Variants in TRMT11 observed in about 807,000 individuals in gnomAD.
The protein encoded by TRMT11 is tRNA (guanine(10)-N(2))-methyltransferase TRMT11.
A neutral mutation model predicts 62.8 loss-of-function variants in TRMT11; 53 were observed. The ratio of observed to expected loss-of-function variants is 0.84; its 90% CI spans 0.68 to 1.06. The LOEUF (loss-of-function observed/expected upper bound fraction) is 1.06. TRMT11 is among the 50% of genes least tolerant of loss of function. TRMT11 has a pLI of 0.00. For synonymous variants in TRMT11, 188 were observed against 190.3 expected, an observed-to-expected ratio of 0.99 and a Z score of 0.10; for missense variants, 556 against 553.4, an observed-to-expected ratio of 1.00 and a Z score of -0.05.
intron 21 of TRMT11, among the ~76,000 whole-genome samples, chr6:126,121,520 G>A (rs1019528780): frequency 2.0e-5 from 3 of 152,088 alleles, no homozygotes; most frequent in Non-Finnish European, 4.4e-5. Context: ...TGGGTTTGAA[G>A]CTAATCTTGA....
intron 17 of TRMT11, among the ~76,000 whole-genome samples, chr6:126,065,705 T>C (rs1435126321): frequency 6.6e-6 from 1 of 152,224 alleles, no homozygotes; most frequent in East Asian, 1.9e-4. Context: ...CAGTGCCTGA[T>C]ACATAGCAAG....
chr6:126,176,522 T>G (rs887640579), upstream of TRMT11, among the ~76,000 whole-genome samples: 1 of 152,176 alleles, frequency 6.6e-6, no homozygotes, highest in East Asian at 1.9e-4. Flanking sequence ...TAGTGTGCAA[T>G]TTTAAGAACT....
At chr6:126,141,220 A>C (rs1053918453) in intron 21 of TRMT11, among the ~76,000 whole-genome samples, 1 of 152,120 alleles carries the variant, frequency 6.6e-6, no homozygotes, top group Non-Finnish European at 1.5e-5. Flanking sequence ...AGCAGGATAA[A>C]GCATAAATGG....
At chr6:126,026,472 G>A (rs184284424) in intron 12 of TRMT11, among the ~76,000 whole-genome samples, 18 of 151,846 alleles carry the variant, frequency 1.2e-4, no homozygotes, top group Admixed American at 3.9e-4. Context: ...TGCAACCTCC[G>A]CCTTCTGGGT....
At chr6:126,247,445 C>A in the TRMT11 span, among the ~76,000 whole-genome samples, 2 of 77,986 alleles carry the variant, frequency 2.6e-5, no homozygotes, top group African/African-American at 8.4e-5. Context: ...CAGAACATAT[C>A]TATCTATCTA....
chr6:126,138,458 A>C (rs1777877571), intron 21 of TRMT11, among the ~76,000 whole-genome samples: 1 of 152,006 alleles, frequency 6.6e-6, no homozygotes, highest in Admixed American at 6.6e-5. Flanking sequence ...TTTGAGAATG[A>C]ATATGAATTC....
At chr6:126,113,240 A>C (rs534592680) in intron 18 of TRMT11, among the ~76,000 whole-genome samples, 1 of 152,190 alleles carries the variant, frequency 6.6e-6, no homozygotes, top group East Asian at 1.9e-4. Context: ...ATGTCTCTGC[A>C]TGTCCAGGCA....
intron 1 of TRMT11, among the ~76,000 whole-genome samples, chr6:126,191,301 C>CT (rs1228121586): frequency 6.6e-6 from 1 of 151,424 alleles, no homozygotes; most frequent in Non-Finnish European, 1.5e-5. Flanking sequence ...AGTTTTTTTT[C>CT]TTTTTAGCTA....
At chr6:126,094,466 T>C (rs1777318037) in intron 17 of TRMT11, among the ~76,000 whole-genome samples, 1 of 152,224 alleles carries the variant, frequency 6.6e-6, no homozygotes, top group South Asian at 2.1e-4. Flanking sequence ...TTTGCGGCCC[T>C]GGTCACCTGA....
intron 21 of TRMT11, among the ~76,000 whole-genome samples, chr6:126,130,358 TC>T (rs1777767128): frequency 6.6e-6 from 1 of 152,046 alleles, no homozygotes; most frequent in Non-Finnish European, 1.5e-5. Context: ...GGATACAAAA[TC>T]CTTTTATATA....
At chr6:126,018,070 A>G (rs1795243079) in intron 11 of TRMT11, among the ~76,000 whole-genome samples, 1 of 152,228 alleles carries the variant, frequency 6.6e-6, no homozygotes, top group South Asian at 2.1e-4. Flanking sequence ...AGTGTTAGTG[A>G]TAACATGATG....
intron 1 of TRMT11, among the ~76,000 whole-genome samples, chr6:126,179,344 T>A (rs1778428590): frequency 6.6e-6 from 1 of 152,196 alleles, no homozygotes; most frequent in Non-Finnish European, 1.5e-5. Context: ...TCTTTAAAAA[T>A]TTCTGTATTG....
At chr6:126,216,954 CAG>C in the TRMT11 span, among the ~76,000 whole-genome samples, 1 of 152,128 alleles carries the variant, frequency 6.6e-6, no homozygotes, top group Non-Finnish European at 1.5e-5. Context: ...TCTCCTCTGA[CAG>C]TGTATTTTCA....
intron 1 of TRMT11, among the ~76,000 whole-genome samples, chr6:126,194,631 G>C (rs773198806): frequency 6.6e-6 from 1 of 152,094 alleles, no homozygotes; most frequent in Non-Finnish European, 1.5e-5. Flanking sequence ...TCCAAATATC[G>C]GTGGGGGCAT....
intron 17 of TRMT11, among the ~76,000 whole-genome samples, chr6:126,098,689 G>T (rs552803050): frequency 6.6e-6 from 1 of 152,344 alleles, no homozygotes; most frequent in South Asian, 2.1e-4. Context: ...AGTTGGAGAA[G>T]AGTGTAGTTA....
At chr6:126,007,370 T>G (rs1793513733) in intron 7 of TRMT11, among the ~76,000 whole-genome samples, 1 of 151,982 alleles carries the variant, frequency 6.6e-6, no homozygotes, top group Non-Finnish European at 1.5e-5. Context: ...CTCAAAAGGT[T>G]ATAAGGGAAA....
At chr6:126,106,997 A>C (rs906033164) in intron 17 of TRMT11, among the ~76,000 whole-genome samples, 1 of 151,762 alleles carries the variant, frequency 6.6e-6, no homozygotes, top group Non-Finnish European at 1.5e-5. Context: ...TCCTATATAC[A>C]ATTTATTTAG....
chr6:126,169,860 T>A (rs986665181), intron 21 of TRMT11, among the ~76,000 whole-genome samples: 1 of 152,180 alleles, frequency 6.6e-6, no homozygotes, highest in Non-Finnish European at 1.5e-5. Context: ...AACCATGATA[T>A]TTCATGAAAT....
At chr6:126,069,534 A>G (rs1162129460) in intron 17 of TRMT11, among the ~76,000 whole-genome samples, 2 of 152,222 alleles carry the variant, frequency 1.3e-5, no homozygotes, top group East Asian at 1.9e-4. Flanking sequence ...AAACTCCAAC[A>G]CTGAATTATG....
Sources: gnomAD v4.1 joint callset for allele counts (sites outside exome capture counted in the v4.1 genomes callset) on GRCh38, gnomAD v4.1.1 for gene constraint, MANE v1.5 for transcripts, NCBI Gene and HGNC (gene_info 2026-07-23, HGNC 2026-07-21) for gene names.